Variants in RFC1 observed in about 807,000 individuals in gnomAD.
RFC1 encodes replication factor C subunit 1.
A neutral mutation model predicts 137.4 loss-of-function variants in RFC1; 37 were observed. That is an observed-to-expected ratio of 0.27 (90% confidence interval 0.21 to 0.35). The LOEUF is 0.35. Ranked by LOEUF, RFC1 falls within the 10% of genes least tolerant of loss-of-function variation. RFC1 has a pLI of 1.00. For synonymous variants in RFC1, 429 were observed against 455.7 expected (o/e 0.94, Z 0.75); for missense variants, 1,205 against 1,358.5 (o/e 0.89, Z 1.78).
At chr4:39,346,078 A>T (rs1046975450) in intron 2 of RFC1, among the ~76,000 whole-genome samples, 2 of 152,246 alleles carry the variant, frequency 1.3e-5, no homozygotes, top group African/African-American at 4.8e-5. Context: ...AAAGAATAAA[A>T]GGATATCAGA....
chr4:39,340,174 C>T (rs1242747102), intron 4 of RFC1, among the ~76,000 whole-genome samples: 6 of 152,132 alleles, frequency 3.9e-5, no homozygotes, highest in Non-Finnish European at 8.8e-5. Flanking sequence ...AAACAGTATA[C>T]ATGCTATGCC....
chr4:39,322,956 A>G (rs1363395134), intron 7 of RFC1, among the ~76,000 whole-genome samples: 1 of 151,914 alleles, frequency 6.6e-6, no homozygotes, highest in Non-Finnish European at 1.5e-5. Flanking sequence ...GTGGTGGCAC[A>G]CACCTGTAGT....
chr4:39,323,867 T>C (rs1213188867), intron 6 of RFC1, among the ~76,000 whole-genome samples: 1 of 152,216 alleles, frequency 6.6e-6, no homozygotes, highest in Non-Finnish European at 1.5e-5. Flanking sequence ...TTGGCACATA[T>C]AGTAAGCTAT....
At chr4:39,308,514 C>T (rs917998370) in intron 13 of RFC1, 122 bp downstream of exon 13, 1 of 1,375,028 alleles carries the variant, frequency 7.3e-7, no homozygotes, top group East Asian at 2.3e-5. Flanking sequence ...GGGTTCAGAT[C>T]AAGCTCTTAA....
At chr4:39,304,460 C>T (rs1738528457) in intron 15 of RFC1, among the ~76,000 whole-genome samples, 1 of 152,174 alleles carries the variant, frequency 6.6e-6, no homozygotes, top group South Asian at 2.1e-4. Flanking sequence ...TACTTTATTA[C>T]ATACATGCAG....
rs1739461258 is a variant in RFC1 at position 39,320,455 on chromosome 4, T to A, written c.1023A>T (p.Lys341Asn). ...CTCCTTTCAATTTAATGGCATTTTC[T>A]TTTCTTTTTGAGGCCACAGGCTCTA... ...KEIEPVASKRKENAIKLKGET... is the reference protein window; with the variant it reads ...KEIEPVASKRNENAIKLKGET... Residue 341 changes from lysine to asparagine, a missense_variant, in exon 9 of 25, where the codon AAA becomes AAT. Physicochemically the swap from Lys to Asn is moderately conservative, Grantham distance 94. Coordinates refer to ENST00000349703, the MANE Select transcript of RFC1 (RefSeq NM_002913.5). The A allele has an allele frequency of 6.3e-7, 1 of 1,587,258 alleles. No homozygotes were observed. The highest frequency in any genetic ancestry group is 8.5e-7 in the Non-Finnish European group (1 of 1,173,132).
rs538787083 is a variant in RFC1, at chr4:39,289,180, G to A, written c.3361-336C>T. Among the ~76,000 whole-genome samples, 5 of 152,328 alleles carry A rather than the reference G, an allele frequency of 3.3e-5. No individual in the cohort carries two copies. In the South Asian group the frequency reaches 1.0e-3, roughly 32 times the overall value. On this transcript the variant is annotated intron_variant, in intron 24 of 24. Coordinates refer to ENST00000349703, the MANE Select transcript of RFC1 (RefSeq NM_002913.5). ...TAATTGACAAATAGGGTAATGTTTA[G>A]ATGAAGAATTTCCTCTTCTTTCAGT... is the stretch of plus-strand genomic sequence containing the variant.
chr4:39,320,790 T>C, intron 8 of RFC1, 121 bp from the exon 9 acceptor site: 1 of 876,464 alleles, frequency 1.1e-6, no homozygotes, highest in African/African-American at 1.8e-5. Context: ...CCCAAAGTCC[T>C]AAAGTGTCAA....
intron 1 of RFC1, among the ~76,000 whole-genome samples, chr4:39,353,902 C>G (rs1319369046): frequency 1.3e-5 from 2 of 152,014 alleles, no homozygotes; most frequent in Admixed American, 1.3e-4. Flanking sequence ...GTTTTCGGAC[C>G]AAAAATGCTT....
intron 1 of RFC1, 142 bp from the exon 2 acceptor site, chr4:39,351,618 T>C (rs987537782): frequency 4.8e-6 from 3 of 621,030 alleles, no homozygotes; most frequent in African/African-American, 2.0e-5. Context: ...ACGAATATAG[T>C]AGCTTTCTTT....
intron 14 of RFC1, 118 bp downstream of exon 14, chr4:39,306,474 T>A: frequency 1.8e-6 from 1 of 564,780 alleles, no homozygotes; most frequent in Admixed American, 3.7e-5. Context: ...ATAAACACAG[T>A]TTATATATAG....
intron 4 of RFC1, among the ~76,000 whole-genome samples, chr4:39,342,120 C>G (rs935182748): frequency 3.3e-5 from 5 of 152,140 alleles, no homozygotes; most frequent in Non-Finnish European, 7.4e-5. Flanking sequence ...TTATATGATT[C>G]AATACAAGCA....
intron 4 of RFC1, among the ~76,000 whole-genome samples, chr4:39,329,641 G>A (rs1416263272): frequency 6.6e-6 from 1 of 152,054 alleles, no homozygotes; most frequent in Non-Finnish European, 1.5e-5. Context: ...AGGAGGCTAA[G>A]GCAGTAGGAG....
chr4:39,335,485 TTA>T (rs1360835811), intron 4 of RFC1, among the ~76,000 whole-genome samples: 1 of 152,154 alleles, frequency 6.6e-6, no homozygotes, highest in Non-Finnish European at 1.5e-5. Flanking sequence ...ACAGAGTCAG[TTA>T]TATTTTTAAA....
chr4:39,321,570 A>C, intron 7 of RFC1, 196 bp from the exon 8 acceptor site: 1 of 531,348 alleles, frequency 1.9e-6, no homozygotes, highest in Admixed American at 3.5e-5. Flanking sequence ...ACAAATGAGG[A>C]AACAGATGAA....
At chr4:39,335,189 C>T (rs928063963) in intron 4 of RFC1, among the ~76,000 whole-genome samples, 1 of 152,112 alleles carries the variant, frequency 6.6e-6, no homozygotes, top group Non-Finnish European at 1.5e-5. Context: ...GTGTTTAAAG[C>T]CTTTTTCTAT....
Position 39,291,701 on chromosome 4 carries a change from T to C in RFC1, c.3106A>G (p.Asn1036Asp). 1 of 1,614,102 alleles carries C rather than the reference T, an allele frequency of 6.2e-7. No individual in the cohort carries two copies. Among genetic ancestry groups the C allele is most frequent in the East Asian group, 2.2e-5 (1 of 44,880 alleles). Residue 1036 changes from asparagine (N) to aspartate (D), a missense_variant, in exon 23 of 25, where the codon AAT (asparagine) becomes GAT (aspartate). Around this residue, in one of 3 missense-constraint regions of RFC1, gnomAD observed 237 missense variants for 304.2 expected, o/e 0.78. Coordinates refer to ENST00000349703, the MANE Select transcript of RFC1 (RefSeq NM_002913.5). ...CCCCAGCTGCTGATTTCCATGATATTCTCAAAGTCTTCTTTCATCAAATAA... is the reference window on the plus strand; with the variant it reads ...CCCCAGCTGCTGATTTCCATGATATCCTCAAAGTCTTCTTTCATCAAATAA... Reference protein sequence around the residue: ...TYYLMKEDFENIMEISSWGGK... With the variant: ...TYYLMKEDFEDIMEISSWGGK...
rs1019540975 is a variant in RFC1 at position 39,308,553 on chromosome 4, G to A, written c.1885+83C>T. 1.1e-5 allele frequency: 16 copies of A among 1,504,370 alleles called. No individual in the cohort carries two copies. In the Admixed American group the frequency reaches 1.2e-4, roughly 12 times the overall value. 93.2% of individuals were successfully genotyped at this position (1,504,370 alleles called of 1,614,324 possible). ...ATGCTTGCTGACAGATGAATGAATC[G>A]TTAGATTTTCTCATATATGTGCCAC... On this transcript the variant is annotated intron_variant, in intron 13 of 24. Coordinates refer to ENST00000349703, the MANE Select transcript of RFC1 (RefSeq NM_002913.5).
chr4:39,340,232 A>G (rs1740547619), intron 4 of RFC1, among the ~76,000 whole-genome samples: 1 of 152,226 alleles, frequency 6.6e-6, no homozygotes, highest in Non-Finnish European at 1.5e-5. Context: ...AAGTCAGAAT[A>G]CAGAAGATAG....
Sources: allele counts gnomAD v4.1 joint callset (sites outside exome capture counted in the v4.1 genomes callset), GRCh38; gene constraint gnomAD v4.1.1; regional missense constraint gnomAD v4.1.1; transcripts MANE v1.5; gene names NCBI Gene and HGNC (gene_info 2026-07-23, HGNC 2026-07-21).